Variants in MGAT4C observed in about 807,000 individuals in gnomAD.
MGAT4C encodes alpha-1,3-mannosyl-glycoprotein 4-beta-N-acetylglucosaminyltransferase C.
MGAT4C carries 19 observed loss-of-function variants against 40.1 expected under a neutral mutation model. That is an observed-to-expected ratio of 0.47 (90% CI 0.33 to 0.70). MGAT4C has a LOEUF of 0.70. Ranked by LOEUF, MGAT4C falls within the 30% of genes least tolerant of loss-of-function variation. The pLI, the probability that MGAT4C is intolerant of heterozygous loss-of-function variation, is 0.02. For synonymous variants in MGAT4C, 181 were observed against 187.1 expected, an observed-to-expected ratio of 0.97 and a Z score of 0.27; for missense variants, 491 against 563.2, an observed-to-expected ratio of 0.87 and a Z score of 1.30.
intron 1 of MGAT4C, among the ~76,000 whole-genome samples, chr12:86,057,594 T>C (rs773235756): frequency 8.5e-5 from 13 of 152,186 alleles, no homozygotes; most frequent in Admixed American, 6.6e-5. Context: ...CAGGAATGGC[T>C]GTGACCCCTA....
At chr12:86,644,598 G>A (rs1205198857) in intron 2 of MGAT4C, among the ~76,000 whole-genome samples, 4 of 151,618 alleles carry the variant, frequency 2.6e-5, no homozygotes, top group Non-Finnish European at 5.9e-5. Flanking sequence ...GTATCAACGA[G>A]CCAAATGCAA....
chr12:86,780,014 C>T (rs975285778), intron 1 of MGAT4C, among the ~76,000 whole-genome samples: 1 of 151,850 alleles, frequency 6.6e-6, no homozygotes, highest in Non-Finnish European at 1.5e-5. Context: ...TAATGCAATA[C>T]AGCTTTCCTA....
intron 1 of MGAT4C, among the ~76,000 whole-genome samples, chr12:86,150,828 C>A (rs1884177605): frequency 6.6e-6 from 1 of 152,136 alleles, no homozygotes; most frequent in Non-Finnish European, 1.5e-5. Flanking sequence ...AGAAGTCACC[C>A]CAGGGGTCCT....
chr12:86,117,126 G>A (rs1485612344), intron 1 of MGAT4C, among the ~76,000 whole-genome samples: 1 of 152,110 alleles, frequency 6.6e-6, no homozygotes, highest in Non-Finnish European at 1.5e-5. Flanking sequence ...ACAAGGGAAT[G>A]TTTGTTCTAC....
intron 4 of MGAT4C, among the ~76,000 whole-genome samples, chr12:86,303,805 G>A (rs1033682195): frequency 6.7e-6 from 1 of 150,242 alleles, no homozygotes; most frequent in Non-Finnish European, 1.5e-5. Context: ...AGTTTTCAAT[G>A]GATTAAATAT....
At chr12:86,392,402 G>A (rs1308670254) in intron 3 of MGAT4C, among the ~76,000 whole-genome samples, 3 of 152,140 alleles carry the variant, frequency 2.0e-5, no homozygotes, top group African/African-American at 7.2e-5. Context: ...AACCCAGGAG[G>A]TGGAGGTTGC....
intron 1 of MGAT4C, among the ~76,000 whole-genome samples, chr12:86,157,005 C>A (rs17013664): frequency 0.042 from 6,450 of 152,022 alleles, 369 homozygotes; most frequent in East Asian, 0.29. Flanking sequence ...GCCCTGGATA[C>A]TGCAGAAATA....
intron 1 of MGAT4C, among the ~76,000 whole-genome samples, chr12:86,105,722 G>A (rs1364065872): frequency 2.0e-5 from 3 of 152,074 alleles, no homozygotes; most frequent in Non-Finnish European, 4.4e-5. Context: ...ATTCAATTCA[G>A]TGAGTAAATT....
chr12:86,204,953 G>C (rs1005236220), intron 1 of MGAT4C, among the ~76,000 whole-genome samples: 14 of 151,908 alleles, frequency 9.2e-5, no homozygotes, highest in African/African-American at 3.4e-4. Flanking sequence ...TGTAAAGTAA[G>C]TTATATGTTA....
At chr12:86,539,902 C>A (rs1959143752) in intron 2 of MGAT4C, among the ~76,000 whole-genome samples, 1 of 151,974 alleles carries the variant, frequency 6.6e-6, no homozygotes, top group Non-Finnish European at 1.5e-5. Context: ...TGTTTAAGTT[C>A]TTTGTAGTTC....
chr12:86,701,225 T>C (rs1357839842), intron 2 of MGAT4C, among the ~76,000 whole-genome samples: 2 of 152,136 alleles, frequency 1.3e-5, no homozygotes, highest in African/African-American at 2.4e-5. Flanking sequence ...ACTTCACTTG[T>C]AGATGTTACT....
chr12:86,834,638 C>A (rs547394855), intron 1 of MGAT4C, among the ~76,000 whole-genome samples: 118 of 112,996 alleles, frequency 1.0e-3, no homozygotes, highest in Non-Finnish European at 1.5e-3. Flanking sequence ...ACACACACAC[C>A]CCTTTACAGA....
intron 1 of MGAT4C, among the ~76,000 whole-genome samples, chr12:86,249,991 A>G (rs1010614344): frequency 1.3e-5 from 2 of 152,166 alleles, no homozygotes; most frequent in African/African-American, 4.8e-5. Context: ...TCACTAGACC[A>G]TGAACCCCTG....
rs1891668591 is a variant in MGAT4C, at chr12:86,040,243, A to ATCGC, written c.-7+9430_-7+9431insGCGA. On this transcript the variant is annotated intron_variant, in intron 2 of 4. Transcript: ENST00000611864. Reference sequence around the variant, plus strand: ...CACTTGAGGTGGCAGTGTATCCCTTATCAGAGCTCAAACACTGTGCTGGGA... The same window carrying ATCGC: ...CACTTGAGGTGGCAGTGTATCCCTTATCGCTCAGAGCTCAAACACTGTGCTGGGA... Among the ~76,000 whole-genome samples the ATCGC allele has an allele frequency of 2.0e-5, 3 of 152,358 alleles. No homozygotes were observed. In the South Asian group the frequency reaches 6.2e-4, roughly 32 times the overall value.
At chr12:86,209,305 T>C (rs1056416391) in intron 1 of MGAT4C, among the ~76,000 whole-genome samples, 1 of 152,142 alleles carries the variant, frequency 6.6e-6, no homozygotes, top group African/African-American at 2.4e-5. Flanking sequence ...ACTACCCTTC[T>C]GAAAAAAAAT....
chr12:86,042,848 A>G (rs577182838), intron 2 of MGAT4C, among the ~76,000 whole-genome samples: 1 of 143,044 alleles, frequency 7.0e-6, no homozygotes, highest in Non-Finnish European at 1.5e-5. Context: ...AGCCTGGGCA[A>G]CAGAGCAAGA....
At chr12:86,290,137 C>T (rs184395115) in intron 4 of MGAT4C, among the ~76,000 whole-genome samples, 3 of 152,114 alleles carry the variant, frequency 2.0e-5, no homozygotes, top group Admixed American at 2.0e-4. Context: ...ACCTCTGCCT[C>T]CCAGGTTCAA....
rs879846217 is a variant in MGAT4C, at chr12:85,969,957, T to C, written c.*9332A>G. On this transcript the variant is annotated 3_prime_UTR_variant, in exon 5 of 5. Transcript: ENST00000611864. ...CATAGTTGCTTGGAACATATTTATGTAGTAAGCATTGTTCTTGGCTGAGCT... is the reference window on the plus strand; with the variant it reads ...CATAGTTGCTTGGAACATATTTATGCAGTAAGCATTGTTCTTGGCTGAGCT... 1.3e-5 allele frequency: 2 copies of C among 151,488 alleles called. No homozygotes were observed. Among genetic ancestry groups the C allele is most frequent in the Non-Finnish European group, 3.0e-5 (2 of 67,530 alleles). 9.4% of individuals were successfully genotyped at this position (151,488 alleles called of 1,614,324 possible). A position where few individuals can be genotyped will look rare whatever the true frequency, so the allele number is the denominator to read the frequency against.
chr12:86,322,239 G>T (rs973760271), intron 4 of MGAT4C, among the ~76,000 whole-genome samples: 1 of 110,848 alleles, frequency 9.0e-6, no homozygotes, highest in Non-Finnish European at 1.8e-5. Flanking sequence ...GGGGGGAGGG[G>T]GGAGGGAGAG....
Sources: allele counts gnomAD v4.1 joint callset (sites outside exome capture counted in the v4.1 genomes callset), GRCh38; gene constraint gnomAD v4.1.1; transcripts MANE v1.5; gene names NCBI Gene and HGNC (gene_info 2026-07-23, HGNC 2026-07-21).